Variants in TMEM132B observed in about 807,000 individuals in gnomAD.
The protein encoded by TMEM132B is transmembrane protein 132B.
In TMEM132B, 18 loss-of-function variants were observed where a neutral mutation model predicts 90.8. That is an observed-to-expected ratio of 0.20 (90% confidence interval 0.14 to 0.29). The LOEUF (loss-of-function observed/expected upper bound fraction) is 0.29. TMEM132B is among the 10% of genes least tolerant of loss of function. The pLI is 1.00. For synonymous variants in TMEM132B, 504 were observed against 523.3 expected (o/e 0.96, Z 0.50); for missense variants, 1,096 against 1,326.8 (o/e 0.83, Z 2.70).
intron 1 of TMEM132B, among the ~76,000 whole-genome samples, chr12:125,332,727 C>A (rs77534128): frequency 6.6e-6 from 1 of 150,992 alleles, no homozygotes; most frequent in Admixed American, 6.6e-5. Flanking sequence ...TGTTTAAACA[C>A]GCTAAAAACT....
chr12:125,514,910 T>G (rs1883069722), intron 3 of TMEM132B, among the ~76,000 whole-genome samples: 1 of 152,202 alleles, frequency 6.6e-6, no homozygotes, highest in Admixed American at 6.5e-5. Flanking sequence ...CTGGCACGAC[T>G]GAGCTGCAGC....
chr12:125,347,879 T>A (rs1227164086), intron 1 of TMEM132B, among the ~76,000 whole-genome samples: 1 of 152,256 alleles, frequency 6.6e-6, no homozygotes, highest in Non-Finnish European at 1.5e-5. Context: ...ATGTATGTAC[T>A]CATGTGTACA....
chr12:125,414,929 C>T (rs925137440), intron 2 of TMEM132B, among the ~76,000 whole-genome samples: 1 of 152,222 alleles, frequency 6.6e-6, no homozygotes, highest in African/African-American at 2.4e-5. Flanking sequence ...TCAATGGCAA[C>T]ACACCTGGGT....
intron 1 of TMEM132B, among the ~76,000 whole-genome samples, chr12:125,224,337 G>A (rs192718936): frequency 1.3e-5 from 2 of 152,234 alleles, no homozygotes; most frequent in African/African-American, 4.8e-5. Flanking sequence ...GGAATTGCCG[G>A]GTCATAGGGT....
intron 1 of TMEM132B, among the ~76,000 whole-genome samples, chr12:125,192,447 A>C (rs1260004481): frequency 6.6e-6 from 1 of 150,588 alleles, no homozygotes; most frequent in Non-Finnish European, 1.5e-5. Context: ...GTTTTTTGTG[A>C]GAAACAGAGT....
At chr12:125,377,084 C>T (rs748075621) in intron 2 of TMEM132B, among the ~76,000 whole-genome samples, 2 of 152,226 alleles carry the variant, frequency 1.3e-5, no homozygotes, top group African/African-American at 2.4e-5. Flanking sequence ...CAGCAGCCTG[C>T]GTTTCCCCAG....
At chr12:125,543,951 A>C (rs1884024175) in intron 4 of TMEM132B, among the ~76,000 whole-genome samples, 1 of 152,236 alleles carries the variant, frequency 6.6e-6, no homozygotes, top group Non-Finnish European at 1.5e-5. Flanking sequence ...ATCAACCCAA[A>C]TGCCCATCAA....
intron 2 of TMEM132B, among the ~76,000 whole-genome samples, chr12:125,380,618 T>C (rs1264358248): frequency 1.3e-5 from 2 of 152,222 alleles, no homozygotes; most frequent in African/African-American, 4.8e-5. Flanking sequence ...TGCTCGGTTC[T>C]CACCGTCAGA....
rs1877508703 is a variant in TMEM132B, at chr12:125,350,096, G to A, written c.712G>A (p.Glu238Lys). Residue 238 changes from glutamate (E) to lysine (K), a missense_variant, in exon 2 of 9, where the codon GAG becomes AAG. By Grantham distance (56) the Glu-to-Lys change is moderately conservative. Coordinates refer to ENST00000682704, the MANE Select transcript of TMEM132B (RefSeq NM_001366854.1). ...PADKAGQCPL[E>K]EEGKWENNIH... ...TGACAAGGCTGGCCAGTGTCCTCTG[G>A]AGGAGGAAGGCAAGTGGGAGAACAA... is the stretch of plus-strand genomic sequence containing the variant. The A allele has an allele frequency of 6.2e-7, 1 of 1,614,242 alleles. No individual in the cohort carries two copies. The highest frequency in any genetic ancestry group is 2.2e-5 in the East Asian group (1 of 44,886).
rs1248885115 is a variant in TMEM132B at position 125,644,133 on chromosome 12, G to A, written c.1495G>A (p.Asp499Asn). 4 of 1,614,056 alleles carry A rather than the reference G, an allele frequency of 2.5e-6. No homozygotes were observed. Among genetic ancestry groups the A allele is most frequent in the Non-Finnish European group, 3.4e-6 (4 of 1,180,046 alleles). The change falls in exon 6 of 9, where the codon GAC becomes AAC. Residue 499 changes from aspartate to asparagine, a missense_variant. Coordinates refer to ENST00000682704, the MANE Select transcript of TMEM132B (RefSeq NM_001366854.1). ...TGGGAAGGAAATGAAGAGCAAAGTG[G>A]ACACGATTGTGAACTTCACCCACCA... Reference protein sequence around the residue: ...VNGKEMKSKVDTIVNFTHQHF... With the variant: ...VNGKEMKSKVNTIVNFTHQHF...
At chr12:125,455,338 G>A (rs144137312) in intron 3 of TMEM132B, among the ~76,000 whole-genome samples, 4 of 152,300 alleles carry the variant, frequency 2.6e-5, no homozygotes, top group African/African-American at 9.6e-5. Context: ...TGCTGATGAG[G>A]ATAAAGCCTG....
chr12:125,187,076 A>G (rs1957764499), intron 1 of TMEM132B, among the ~76,000 whole-genome samples: 1 of 152,014 alleles, frequency 6.6e-6, no homozygotes, highest in South Asian at 2.1e-4. Flanking sequence ...CCAAACCCTT[A>G]GCTTCCTTGC....
At chr12:125,503,579 G>T (rs77360416) in intron 3 of TMEM132B, among the ~76,000 whole-genome samples, 1 of 152,190 alleles carries the variant, frequency 6.6e-6, no homozygotes, top group African/African-American at 2.4e-5. Context: ...ATTCAAGGAG[G>T]TGGTACCTGA....
chr12:125,355,495 A>G (rs1175934718), intron 2 of TMEM132B, among the ~76,000 whole-genome samples: 1 of 152,198 alleles, frequency 6.6e-6, no homozygotes, highest in Non-Finnish European at 1.5e-5. Context: ...GGCTATCACT[A>G]TTCTAGGCTG....
chr12:125,535,998 T>C (rs1214276116), intron 4 of TMEM132B, among the ~76,000 whole-genome samples: 1 of 152,152 alleles, frequency 6.6e-6, no homozygotes, highest in Non-Finnish European at 1.5e-5. Context: ...AATTCCCCCA[T>C]GAAAAGCAGC....
rs539030535 is a variant in TMEM132B at position 125,523,615 on chromosome 12, C to G, written c.1293+3990C>G. Among the ~76,000 whole-genome samples, 29 of 152,342 alleles carry G rather than the reference C, an allele frequency of 1.9e-4. No individual in the cohort carries two copies. The East Asian group carries it at 4.8e-3, about 25-fold the overall frequency. On this transcript the variant is annotated intron_variant, in intron 4 of 8. Coordinates refer to ENST00000682704, the MANE Select transcript of TMEM132B (RefSeq NM_001366854.1). Reference sequence around the variant, plus strand: ...GGAGGGGGCTGTTATTTTCCTACCACACTTGCTTATGCAGGATTCCAGCTC... The same window carrying G: ...GGAGGGGGCTGTTATTTTCCTACCAGACTTGCTTATGCAGGATTCCAGCTC...
chr12:125,392,469 C>A (rs1879053023), intron 2 of TMEM132B, among the ~76,000 whole-genome samples: 1 of 152,210 alleles, frequency 6.6e-6, no homozygotes, highest in African/African-American at 2.4e-5. Context: ...CTCAAAGAGG[C>A]TAAAATAACT....
At chr12:125,411,375 C>T (rs868672165) in intron 2 of TMEM132B, among the ~76,000 whole-genome samples, 1 of 140,002 alleles carries the variant, frequency 7.1e-6, no homozygotes, top group Admixed American at 7.2e-5. Context: ...TGGGGGGGGG[C>T]CTAGGGGAGG....
chr12:125,328,028 A>G (rs1448151578), intron 1 of TMEM132B, among the ~76,000 whole-genome samples: 2 of 152,210 alleles, frequency 1.3e-5, no homozygotes, highest in African/African-American at 4.8e-5. Flanking sequence ...CGTTTGTAAA[A>G]CAAAGTCACC....
Sources: allele counts gnomAD v4.1 joint callset (sites outside exome capture counted in the v4.1 genomes callset), GRCh38; gene constraint gnomAD v4.1.1; transcripts MANE v1.5; gene names NCBI Gene and HGNC (gene_info 2026-07-23, HGNC 2026-07-21).